Variants in PPP2R5C observed in about 807,000 individuals in gnomAD.
PPP2R5C encodes protein phosphatase 2 regulatory subunit B'gamma, also known as serine/threonine-protein phosphatase 2A 56 kDa regulatory subunit gamma isoform.
PPP2R5C carries 7 observed loss-of-function variants against 68.9 expected under a neutral mutation model. The observed-to-expected ratio is 0.10, with a 90% CI of 0.06 to 0.19. The LOEUF (loss-of-function observed/expected upper bound fraction) is 0.19, where lower values mean the gene tolerates loss of function less well. PPP2R5C is among the 10% of genes least tolerant of loss of function. The pLI, the probability that PPP2R5C is intolerant of heterozygous loss-of-function variation, is 1.00. For missense variants in PPP2R5C, 348 were observed against 641.3 expected (o/e 0.54, Z 4.94); for synonymous variants, 210 against 222.2 (o/e 0.95, Z 0.49).
At chr14:101,770,792 C>T (rs1418638210) in intron 2 of PPP2R5C, among the ~76,000 whole-genome samples, 2 of 152,232 alleles carry the variant, frequency 1.3e-5, no homozygotes, top group African/African-American at 2.4e-5. Context: ...AACTTATAGC[C>T]CTGCCATGTG....
At chr14:101,871,228 T>TGGTTTTTGTTGTTGTTG (rs563568983) in intron 2 of PPP2R5C, among the ~76,000 whole-genome samples, 25 of 117,646 alleles carry the variant, frequency 2.1e-4, no homozygotes, top group African/African-American at 9.5e-4. Flanking sequence ...TGTTTTGGTT[T>TGGTTTTTGTTGTTGTTG]TTGTTGTTGT....
rs750494876 is a variant in PPP2R5C, at chr14:101,917,808, C to T, written c.1327-23C>T. On this transcript the variant is annotated intron_variant, in intron 12 of 13. Coordinates refer to ENST00000334743, the Ensembl canonical transcript of PPP2R5C. The surrounding 1 kb of genome is among the most constrained non-coding windows in gnomAD (Gnocchi z 4.4). ...TTCAGAGCCTGGGCACCTAACAGAG[C>T]GACTCCACGCTTTGCATTGCAGTAC... is the stretch of plus-strand genomic sequence containing the variant. The T allele has an allele frequency of 3.2e-5, 52 of 1,612,148 alleles. No individual in the cohort carries two copies. Among genetic ancestry groups the T allele is most frequent in the Admixed American group, 8.3e-5 (5 of 59,918 alleles).
At chr14:101,852,691 C>T (rs1206395160) in intron 1 of PPP2R5C, among the ~76,000 whole-genome samples, 4 of 151,974 alleles carry the variant, frequency 2.6e-5, no homozygotes, top group African/African-American at 9.7e-5. Context: ...AGGCTAGTCT[C>T]GAACTCCTGA....
chr14:101,821,452 GGTGTGTGTGT>G (rs71116851), intron 1 of PPP2R5C, among the ~76,000 whole-genome samples: 5 of 121,358 alleles, frequency 4.1e-5, no homozygotes, highest in East Asian at 5.0e-4. Context: ...TGGGTGGGTG[GGTGTGTGTGT>G]GTGTGTGTGT....
At chr14:101,776,022 G>C (rs2037398177) in intron 2 of PPP2R5C, among the ~76,000 whole-genome samples, 1 of 142,146 alleles carries the variant, frequency 7.0e-6, no homozygotes, top group Non-Finnish European at 1.5e-5. Flanking sequence ...TTCAGATTGT[G>C]CCCCCCCCCC....
intron 1 of PPP2R5C, among the ~76,000 whole-genome samples, chr14:101,811,427 A>G (rs573158782): frequency 6.6e-6 from 1 of 152,074 alleles, no homozygotes; most frequent in African/African-American, 2.4e-5. Flanking sequence ...TGCAGCCTCC[A>G]CCTCCCGAGC....
chr14:101,816,192 C>A (rs991727480), intron 1 of PPP2R5C, among the ~76,000 whole-genome samples: 1 of 152,178 alleles, frequency 6.6e-6, no homozygotes, highest in Non-Finnish European at 1.5e-5. Context: ...TTACACAAGG[C>A]GGCTGGTTGA....
rs182089649 is a variant in PPP2R5C at position 101,891,321 on chromosome 14, C to T, written c.689+1025C>T. Among the ~76,000 whole-genome samples, 3 of 152,248 alleles carry T rather than the reference C, an allele frequency of 2.0e-5. No individual in the cohort carries two copies. Among genetic ancestry groups the T allele is most frequent in the African/African-American group, 7.2e-5 (3 of 41,534 alleles). On this transcript the variant is annotated intron_variant, in intron 6 of 13. Coordinates refer to ENST00000334743, the Ensembl canonical transcript of PPP2R5C. This position sits in a 1 kb window ranked among gnomAD's most constrained non-coding sequence, Gnocchi z 4.9. ...ACTCTCTTCTCAGGGTGGATCAGGT[C>T]CTGCCCAGTAGTTCTGAGAAAAGCT...
chr14:101,911,578 C>G (rs1397055609), intron 11 of PPP2R5C, among the ~76,000 whole-genome samples: 2 of 152,084 alleles, frequency 1.3e-5, no homozygotes, highest in Non-Finnish European at 2.9e-5. Context: ...AGTACATTTT[C>G]TGGGTTGAAA....
In PPP2R5C at chr14:101,882,374, T is replaced by C; in HGVS notation, c.405+103T>C. 5.4e-6 allele frequency: 4 copies of C among 747,390 alleles called. No individual in the cohort carries two copies. In the South Asian group the frequency reaches 6.3e-5, roughly 12 times the overall value. The allele number at this position is 747,390 out of a possible 1,614,324, so 46.3% of individuals were successfully genotyped here. A position where few individuals can be genotyped will look rare whatever the true frequency, so the allele number is the denominator to read the frequency against. On this transcript the variant is annotated intron_variant, in intron 3 of 13. Transcript: ENST00000334743. The surrounding 1 kb of genome is among the most constrained non-coding windows in gnomAD (Gnocchi z 4.9). ...CTGGTCTGGCCAGATGGACCTCTCC[T>C]CCTCAGTAGCATGGGCCTCGTAAAC...
At chr14:101,764,472 A>T (rs1027938228) in intron 2 of PPP2R5C, among the ~76,000 whole-genome samples, 4 of 152,206 alleles carry the variant, frequency 2.6e-5, no homozygotes, top group South Asian at 2.1e-4. Flanking sequence ...ACTGGCGATG[A>T]TCTGCAGTGG....
intron 2 of PPP2R5C, among the ~76,000 whole-genome samples, chr14:101,866,441 A>G (rs1044275891): frequency 2.0e-5 from 3 of 152,204 alleles, no homozygotes; most frequent in Admixed American, 1.3e-4. Context: ...ATTTGGTTCC[A>G]TTTTATCGAT....
chr14:101,817,708 C>T (rs1269940574), intron 1 of PPP2R5C, among the ~76,000 whole-genome samples: 1 of 151,226 alleles, frequency 6.6e-6, no homozygotes, highest in Admixed American at 6.6e-5. Context: ...CCCCGCCCAC[C>T]CCAGGCAAGC....
chr14:101,916,477 G>A lies in PPP2R5C; in HGVS notation c.1327-1354G>A, dbSNP rs1202346598. Among the ~76,000 whole-genome samples the A allele has an allele frequency of 1.3e-5, 2 of 152,230 alleles. No individual in the cohort carries two copies. The highest frequency in any genetic ancestry group is 2.9e-5 in the Non-Finnish European group (2 of 68,040). ...AGGAGCCCAAGGCACCTGGAGGAGA[G>A]GCTGGGGTCACAGAGACCGAGGGAG... On this transcript the variant is annotated intron_variant, in intron 12 of 13. Transcript: ENST00000334743. The surrounding 1 kb of genome is among the most constrained non-coding windows in gnomAD (Gnocchi z 5.5).
chr14:101,910,635 A>G (rs936165536), intron 11 of PPP2R5C, among the ~76,000 whole-genome samples: 1 of 151,556 alleles, frequency 6.6e-6, no homozygotes, highest in Non-Finnish European at 1.5e-5. Flanking sequence ...GATTGAGACC[A>G]TGCTGGCTAA....
upstream of PPP2R5C, among the ~76,000 whole-genome samples, chr14:101,809,580 G>A (rs1487690200): frequency 3.2e-4 from 29 of 91,478 alleles, no homozygotes; most frequent in African/African-American, 1.4e-3. Flanking sequence ...TTTTTTTTTG[G>A]TGGCTCCCTC....
intron 2 of PPP2R5C, among the ~76,000 whole-genome samples, chr14:101,857,677 A>G (rs1446531242): frequency 6.6e-6 from 1 of 152,172 alleles, no homozygotes; most frequent in African/African-American, 2.4e-5. Flanking sequence ...ACCAAAATTC[A>G]TTGTTTGACG....
chr14:101,868,322 A>AT (rs1271708833), intron 2 of PPP2R5C, among the ~76,000 whole-genome samples: 1 of 152,134 alleles, frequency 6.6e-6, no homozygotes, highest in African/African-American at 2.4e-5. Flanking sequence ...CGATTTTGAG[A>AT]TTTTCCTTTG....
chr14:101,905,111 T>C (rs138355610), intron 9 of PPP2R5C, among the ~76,000 whole-genome samples: 3,777 of 152,324 alleles, frequency 0.025, 82 homozygotes, highest in African/African-American at 0.054. Context: ...CCCAGCACTT[T>C]GGGAGGCCAA....
Sources: allele counts gnomAD v4.1 joint callset (sites outside exome capture counted in the v4.1 genomes callset), GRCh38; gene constraint gnomAD v4.1.1; non-coding constraint Gnocchi (gnomAD v3.1); transcripts MANE v1.5; gene names NCBI Gene and HGNC (gene_info 2026-07-23, HGNC 2026-07-21).